ROBO1: variants seen among roughly 807,000 people sequenced by gnomAD.
The protein encoded by ROBO1 is roundabout homolog 1.
A neutral mutation model predicts 195.9 loss-of-function variants in ROBO1; 149 were observed. That is an observed-to-expected ratio of 0.76 (90% CI 0.67 to 0.87). The LOEUF (loss-of-function observed/expected upper bound fraction) is 0.87, where lower values mean the gene tolerates loss of function less well. Ranked by LOEUF, ROBO1 falls within the 40% of genes least tolerant of loss-of-function variation. The pLI is 0.00. For missense variants in ROBO1, 1,933 were observed against 2,068.3 expected (o/e 0.93, Z 1.27); for synonymous variants, 816 against 733.2 (o/e 1.11, Z -1.82).
At chr3:78,743,973 A>G (rs924630851) in intron 5 of ROBO1, among the ~76,000 whole-genome samples, 1 of 152,174 alleles carries the variant, frequency 6.6e-6, no homozygotes, top group African/African-American at 2.4e-5. Flanking sequence ...TTGTATGCCT[A>G]CCACGATGTA....
intron 14 of ROBO1, among the ~76,000 whole-genome samples, chr3:78,667,420 C>T (rs1707797378): frequency 6.6e-6 from 1 of 152,016 alleles, no homozygotes; most frequent in Non-Finnish European, 1.5e-5. Flanking sequence ...TACAAACATT[C>T]CAGTTATACT....
intron 8 of ROBO1, among the ~76,000 whole-genome samples, chr3:78,697,568 A>C (rs2107911330): frequency 6.6e-6 from 1 of 152,276 alleles, no homozygotes; most frequent in South Asian, 2.1e-4. Context: ...CTAGAAAAGA[A>C]GCAGTTAACA....
intron 3 of ROBO1, among the ~76,000 whole-genome samples, chr3:79,107,097 CCT>C (rs1203497961): frequency 1.4e-5 from 2 of 141,002 alleles, no homozygotes; most frequent in East Asian, 4.2e-4. Context: ...CTTATCTATA[CCT>C]CTCTCTTTCT....
intron 3 of ROBO1, among the ~76,000 whole-genome samples, chr3:79,056,588 A>C (rs980292325): frequency 6.6e-6 from 1 of 152,110 alleles, no homozygotes; most frequent in Non-Finnish European, 1.5e-5. Flanking sequence ...TTAATTATTT[A>C]AGACCTACTT....
At chr3:79,213,824 T>G (rs1030304367) in intron 2 of ROBO1, among the ~76,000 whole-genome samples, 1 of 143,672 alleles carries the variant, frequency 7.0e-6, no homozygotes, top group South Asian at 2.3e-4. Flanking sequence ...TTCTTTTTTT[T>G]TTTTTTTTTT....
At chr3:79,480,439 G>C (rs1156855232) in intron 2 of ROBO1, among the ~76,000 whole-genome samples, 1 of 151,896 alleles carries the variant, frequency 6.6e-6, no homozygotes, top group East Asian at 1.9e-4. Flanking sequence ...TTTCTAGATG[G>C]GCACACTTCA....
intron 2 of ROBO1, among the ~76,000 whole-genome samples, chr3:79,207,594 G>A (rs933896392): frequency 1.3e-5 from 2 of 152,040 alleles, no homozygotes; most frequent in Non-Finnish European, 2.9e-5. Context: ...ATAGAATCTG[G>A]TCTGGTGTTA....
At chr3:78,838,323 A>G (rs2032914440) in intron 4 of ROBO1, among the ~76,000 whole-genome samples, 1 of 152,206 alleles carries the variant, frequency 6.6e-6, no homozygotes, top group South Asian at 2.1e-4. Context: ...TACATGACCA[A>G]CAATCTTGTC....
At chr3:79,481,378 A>C (rs1215510199) in intron 2 of ROBO1, among the ~76,000 whole-genome samples, 3 of 152,166 alleles carry the variant, frequency 2.0e-5, no homozygotes, top group African/African-American at 7.2e-5. Flanking sequence ...AATAAAAAAT[A>C]AAATCCAGGT....
At chr3:79,629,376 C>T (rs1056095993) in intron 1 of ROBO1, among the ~76,000 whole-genome samples, 3 of 151,802 alleles carry the variant, frequency 2.0e-5, no homozygotes, top group African/African-American at 7.3e-5. Flanking sequence ...ATACATGGAA[C>T]CTAAATAACT....
chr3:79,725,384 G>A (rs1256012965), intron 1 of ROBO1, among the ~76,000 whole-genome samples: 2 of 151,450 alleles, frequency 1.3e-5, no homozygotes, highest in Admixed American at 6.6e-5. Context: ...CCGCCACCAC[G>A]CCCGGCTAAT....
At chr3:78,831,151 T>C (rs1480168074) in intron 4 of ROBO1, among the ~76,000 whole-genome samples, 2 of 152,014 alleles carry the variant, frequency 1.3e-5, no homozygotes, top group Non-Finnish European at 2.9e-5. Flanking sequence ...GACCTCGTGA[T>C]CCACCCGCCT....
intron 1 of ROBO1, among the ~76,000 whole-genome samples, chr3:79,684,074 T>A (rs981303632): frequency 6.6e-6 from 1 of 152,128 alleles, no homozygotes; most frequent in African/African-American, 2.4e-5. Flanking sequence ...CAGCAATATA[T>A]GAGGACTCCA....
chr3:79,673,783 G>C (rs1946701285), intron 1 of ROBO1, among the ~76,000 whole-genome samples: 1 of 151,774 alleles, frequency 6.6e-6, no homozygotes, highest in South Asian at 2.1e-4. Context: ...GAAGATATTT[G>C]GGGTTTTATC....
At chr3:79,137,298 G>C (rs1031792379) in intron 2 of ROBO1, among the ~76,000 whole-genome samples, 2 of 151,974 alleles carry the variant, frequency 1.3e-5, no homozygotes, top group Non-Finnish European at 2.9e-5. Context: ...AGTCAGAGTA[G>C]TTTATTATTT....
At chr3:79,029,316 T>G (rs1464482596) in intron 3 of ROBO1, among the ~76,000 whole-genome samples, 3 of 152,090 alleles carry the variant, frequency 2.0e-5, no homozygotes, top group Non-Finnish European at 2.9e-5. Flanking sequence ...TCATCATCTC[T>G]TATGCTTTAC....
chr3:79,683,650 T>C (rs1267652581), intron 1 of ROBO1, among the ~76,000 whole-genome samples: 1 of 152,098 alleles, frequency 6.6e-6, no homozygotes, highest in African/African-American at 2.4e-5. Flanking sequence ...CTACTTTCTG[T>C]CTCTATGGAT....
chr3:79,123,104 G>A (rs1470795405), intron 3 of ROBO1, among the ~76,000 whole-genome samples: 2 of 151,888 alleles, frequency 1.3e-5, no homozygotes, highest in Non-Finnish European at 2.9e-5. Context: ...TCTCTAAGTT[G>A]CTTAATATGT....
chr3:79,516,105 GA>G (rs141596038), intron 2 of ROBO1, among the ~76,000 whole-genome samples: 1 of 149,750 alleles, frequency 6.7e-6, no homozygotes, highest in Non-Finnish European at 1.5e-5. Flanking sequence ...TGCATATGAA[GA>G]AAAAAAAAGG....
Sources: gnomAD v4.1 joint callset for allele counts (sites outside exome capture counted in the v4.1 genomes callset) on GRCh38, gnomAD v4.1.1 for gene constraint, MANE v1.5 for transcripts, NCBI Gene and HGNC (gene_info 2026-07-23, HGNC 2026-07-21) for gene names.